Variants in CACNA1H observed in about 807,000 individuals in gnomAD.
CACNA1H encodes the protein voltage-dependent T-type calcium channel subunit alpha-1H.
CACNA1H carries 149 observed loss-of-function variants against 192.5 expected under a neutral mutation model. The ratio of observed to expected loss-of-function variants is 0.77; its 90% CI spans 0.68 to 0.89. The LOEUF (loss-of-function observed/expected upper bound fraction) is 0.89, where lower values mean the gene tolerates loss of function less well. Among genes scored for constraint, CACNA1H ranks in the 40% least tolerant of loss-of-function variants. CACNA1H has a pLI of 0.00. For missense variants in CACNA1H, 4,257 were observed against 3,423.5 expected (o/e 1.24, Z -6.08); for synonymous variants, 2,202 against 1,475.2 (o/e 1.49, Z -11.29).
rs1473163109 is a variant in CACNA1H, at chr16:1,220,562, G to A, written c.6630G>A (p.Glu2210=). 3 of 1,533,016 alleles carry A rather than the reference G, an allele frequency of 2.0e-6. No homozygotes were observed. Among genetic ancestry groups the A allele is most frequent in the African/African-American group, 2.8e-5 (2 of 71,830 alleles). 95.0% of individuals were successfully genotyped at this position (1,533,016 alleles called of 1,614,324 possible). A position where few individuals can be genotyped will look rare whatever the true frequency, so the allele number is the denominator to read the frequency against. ...DEGSARPSAA[E]GGSTTLRRRT... ...GCTCTGCGCGGCCCTCCGCGGCAGA[G>A]GGCGGCAGCACCACACTGAGGCGCA... The change falls in exon 35 of 35, where the codon GAG becomes GAA. Residue 2210 remains glutamate (E), a synonymous_variant. Transcript: ENST00000348261.
chr16:1,217,909 C>A lies in CACNA1H; in HGVS notation c.5324-10C>A. ...GCTCGGCTGACCGGGCGGGGTCTCC[C>A]TCCCCGCAGAGTGCAGTGAAGACAA... On this transcript the variant is annotated splice_polypyrimidine_tract_variant and intron_variant, in intron 31 of 34. Coordinates refer to ENST00000348261, the MANE Select transcript of CACNA1H (RefSeq NM_021098.3). The A allele has an allele frequency of 6.3e-7, 1 of 1,595,236 alleles. No individual in the cohort carries two copies. The highest frequency in any genetic ancestry group is 2.3e-5 in the East Asian group (1 of 43,712).
intron 2 of CACNA1H, among the ~76,000 whole-genome samples, chr16:1,189,829 T>G (rs1478329064): frequency 1.3e-5 from 2 of 152,178 alleles, no homozygotes; most frequent in Non-Finnish European, 2.9e-5. Context: ...TTCAGCCCTG[T>G]TCCCCTGTTC....
rs1291703191 is a variant in CACNA1H at position 1,180,876 on chromosome 16, T to C, written c.300-14096T>C. On this transcript the variant is annotated intron_variant, in intron 2 of 34. Coordinates refer to ENST00000348261, the MANE Select transcript of CACNA1H (RefSeq NM_021098.3). This position sits in a 1 kb window ranked among gnomAD's most constrained non-coding sequence, Gnocchi z 4.4. ...GCACCCGACCTGGCCGCCAGCGTGC[T>C]GAGGACAGACCTGCTGGGCCGCGTT... Among the ~76,000 whole-genome samples, 1 of 152,198 alleles carries C rather than the reference T, an allele frequency of 6.6e-6. No individual in the cohort carries two copies. Among genetic ancestry groups the C allele is most frequent in the Non-Finnish European group, 1.5e-5 (1 of 68,024 alleles).
At chr16:1,197,409 C>T (rs924219594) in intron 5 of CACNA1H, among the ~76,000 whole-genome samples, 3 of 152,228 alleles carry the variant, frequency 2.0e-5, no homozygotes, top group Non-Finnish European at 4.4e-5. Flanking sequence ...CCCTTCCTTC[C>T]ATGGATGTTT....
intron 27 of CACNA1H, among the ~76,000 whole-genome samples, chr16:1,214,434 G>A (rs986052039): frequency 6.6e-6 from 1 of 152,172 alleles, no homozygotes; most frequent in African/African-American, 2.4e-5. Flanking sequence ...GTGGCCAGAG[G>A]CCAGGAGCCT....
Position 1,214,909 on chromosome 16 carries a change from G to A in CACNA1H, c.4930-63G>A. 3.1e-6 allele frequency: 4 copies of A among 1,283,424 alleles called. No homozygotes were observed. The South Asian group carries it at 5.1e-5, about 16-fold the overall frequency. 79.5% of individuals were successfully genotyped at this position (1,283,424 alleles called of 1,614,324 possible). ...CGGGGGCACTCGGGCGTGCAGAGTG[G>A]GAGCCAGGGGGAAGAGGGGTGGCCC... On this transcript the variant is annotated intron_variant, in intron 27 of 34. Coordinates refer to ENST00000348261, the MANE Select transcript of CACNA1H (RefSeq NM_021098.3).
intron 2 of CACNA1H, among the ~76,000 whole-genome samples, chr16:1,186,522 G>A (rs892605485): frequency 8.5e-5 from 13 of 152,074 alleles, no homozygotes; most frequent in Admixed American, 7.2e-4. Context: ...TCTCCACGGC[G>A]TTCTCATCCT....
chr16:1,195,784 CG>C, intron 4 of CACNA1H, 141 bp from the exon 5 acceptor site: 1 of 865,842 alleles, frequency 1.2e-6, no homozygotes, highest in Non-Finnish European at 1.9e-6. Context: ...CCTGCTACCT[CG>C]GGGCCCTTCC....
intron 6 of CACNA1H, among the ~76,000 whole-genome samples, chr16:1,199,390 G>C (rs1289555594): frequency 1.6e-4 from 1 of 6,376 alleles, no homozygotes; most frequent in African/African-American, 1.2e-3. Context: ...TCCGCCCACG[G>C]TGCGGTCGCT....
In CACNA1H at chr16:1,202,288, A is replaced by T. The variant is rs1241185774; in HGVS notation, c.1838A>T (p.Tyr613Phe). The T allele has an allele frequency of 6.3e-7, 1 of 1,583,468 alleles. No individual in the cohort carries two copies. The highest frequency in any genetic ancestry group is 2.3e-5 in the East Asian group (1 of 42,914). ...RLATGLGTMNYPTILPSGVGS... is the reference protein window; with the variant it reads ...RLATGLGTMNFPTILPSGVGS... ...GCCACAGGGCTGGGCACCATGAACT[A>T]CCCCACGATCCTGCCCTCAGGGGTG... The change falls in exon 9 of 35, where the codon TAC becomes TTC. Residue 613 changes from tyrosine (Y) to phenylalanine (F), a missense_variant. Tyr to Phe is a conservative substitution (Grantham distance 22). Coordinates refer to ENST00000348261, the MANE Select transcript of CACNA1H (RefSeq NM_021098.3).
chr16:1,206,247 C>G lies in CACNA1H; in HGVS notation c.2747C>G (p.Ala916Gly). ...VVLVKTMDNV[A>G]TFCTLLMLFI... The stretch of plus-strand genomic sequence containing the variant: ...CTGGTGAAGACCATGGACAACGTGG[C>G]TACCTTCTGCACGCTGCTCATGCTC... Residue 916 changes from alanine (A) to glycine (G), a missense_variant, in exon 12 of 35, where the codon GCT becomes GGT. Ala to Gly is a moderately conservative substitution (Grantham distance 60, BLOSUM62 0). Transcript: ENST00000348261. 1 of 1,587,368 alleles carries G rather than the reference C, an allele frequency of 6.3e-7. No individual in the cohort carries two copies.
Position 1,218,953 on chromosome 16 carries a change from A to AT in CACNA1H, c.5888-15dup, listed in dbSNP as rs1970258536. 6.5e-7 allele frequency: 1 copy of AT among 1,549,092 alleles called. No individual in the cohort carries two copies. Among genetic ancestry groups the AT allele is most frequent in the South Asian group, 1.2e-5 (1 of 84,028 alleles). ...GGCAGGGGCAGAGCTGCCAGCTTAG[A>AT]TTCTTCCCTGCCCCAGGCTCCGTTG... On this transcript the variant is annotated splice_polypyrimidine_tract_variant and intron_variant, in intron 33 of 34. Transcript: ENST00000348261.
intron 2 of CACNA1H, among the ~76,000 whole-genome samples, chr16:1,168,527 A>T (rs1964032204): frequency 6.6e-6 from 1 of 151,466 alleles, no homozygotes; most frequent in East Asian, 2.0e-4. Context: ...AGCTGGGGAG[A>T]TGCACCCTGG....
At chr16:1,184,582 A>G (rs11248856) in intron 2 of CACNA1H, among the ~76,000 whole-genome samples, 13,636 of 152,300 alleles carry the variant, frequency 0.09, 1,633 homozygotes, top group African/African-American at 0.27. Flanking sequence ...GTAGGCATCC[A>G]GGCCCCCTGG....
rs377041196 is a variant in CACNA1H, at chr16:1,205,185, G to T, written c.2523G>T (p.Leu841=). 10 of 1,612,994 alleles carry T rather than the reference G, an allele frequency of 6.2e-6. No individual in the cohort carries two copies. Among genetic ancestry groups the T allele is most frequent in the African/African-American group, 1.3e-5 (1 of 74,928 alleles). ...CCAGCATGTTTGCCCTGGAGATGCT[G>T]CTGAAGCTGCTGGCCTGCGGCCCTC... ...VFTSMFALEM[L]LKLLACGPLG... is the part of the protein sequence containing the mutation. The change falls in exon 11 of 35, where the codon CTG becomes CTT. Residue 841 remains leucine (L), a synonymous_variant. Coordinates refer to ENST00000348261, the MANE Select transcript of CACNA1H (RefSeq NM_021098.3).
intron 9 of CACNA1H, among the ~76,000 whole-genome samples, chr16:1,203,800 C>G (rs921049897): frequency 2.0e-5 from 3 of 152,194 alleles, no homozygotes; most frequent in African/African-American, 7.2e-5. Flanking sequence ...CCTCCCTACT[C>G]CGGGATAGCT....
intron 2 of CACNA1H, among the ~76,000 whole-genome samples, chr16:1,166,152 C>G (rs938230960): frequency 2.0e-5 from 3 of 152,212 alleles, no homozygotes; most frequent in Non-Finnish European, 4.4e-5. Flanking sequence ...AAGGGGCAGG[C>G]AGGCCTGAGA....
chr16:1,195,464 G>A lies in CACNA1H; in HGVS notation c.444G>A (p.Ala148=), dbSNP rs560099947. Reference sequence around the variant, plus strand: ...ACGCCTTCATTTTCGCCTTTTTTGCGGTGGAGATGGTCATCAAGATGGTGG... The same window carrying A: ...ACGCCTTCATTTTCGCCTTTTTTGCAGTGGAGATGGTCATCAAGATGGTGG... The part of the protein sequence containing the change: ...AFDAFIFAFF[A]VEMVIKMVAL... Residue 148 remains alanine (A), a synonymous_variant, in exon 4 of 35, where the codon GCG becomes GCA. Transcript: ENST00000348261. The A allele has an allele frequency of 1.9e-6, 3 of 1,571,046 alleles. No individual in the cohort carries two copies. Among genetic ancestry groups the A allele is most frequent in the Non-Finnish European group, 2.6e-6 (3 of 1,157,862 alleles).
rs1373992393 is a variant in CACNA1H at position 1,201,800 on chromosome 16, C to T, written c.1350C>T (p.Phe450=). 4.4e-6 allele frequency: 7 copies of T among 1,593,776 alleles called. No individual in the cohort carries two copies. Among genetic ancestry groups the T allele is most frequent in the Admixed American group, 1.8e-5 (1 of 56,894 alleles). ...CCAACGACAGCACGCTGGCCAGCTTCTCCGAGCCTGGCAGCTGCTACGAAG... is the reference window on the plus strand; with the variant it reads ...CCAACGACAGCACGCTGGCCAGCTTTTCCGAGCCTGGCAGCTGCTACGAAG... ...HLSNDSTLAS[F]SEPGSCYEEL... The change falls in exon 9 of 35, where the codon TTC becomes TTT. Residue 450 remains phenylalanine, a synonymous_variant. Coordinates refer to ENST00000348261, the MANE Select transcript of CACNA1H (RefSeq NM_021098.3).
Sources: gnomAD v4.1 joint callset for allele counts (sites outside exome capture counted in the v4.1 genomes callset) on GRCh38, gnomAD v4.1.1 for gene constraint, Gnocchi (gnomAD v3.1) non-coding constraint, MANE v1.5 for transcripts, NCBI Gene and HGNC (gene_info 2026-07-23, HGNC 2026-07-21) for gene names.